MALT1: variants seen among roughly 807,000 people sequenced by gnomAD.
MALT1 encodes the protein mucosa-associated lymphoid tissue lymphoma translocation protein 1.
A neutral mutation model predicts 85.5 loss-of-function variants in MALT1; 36 were observed. The observed-to-expected ratio is 0.42, with a 90% CI of 0.32 to 0.56. MALT1 has a LOEUF of 0.56. Among genes scored for constraint, MALT1 ranks in the 20% least tolerant of loss-of-function variants. The probability of loss-of-function intolerance (pLI) is 0.10; values close to 1 mark genes in which losing one functional copy is unlikely to be tolerated. For synonymous variants in MALT1, 359 were observed against 361.3 expected (o/e 0.99, Z 0.07); for missense variants, 716 against 981.6 (o/e 0.73, Z 3.62).
chr18:58,731,357 G>T (rs2055146503), intron 10 of MALT1, among the ~76,000 whole-genome samples: 1 of 152,190 alleles, frequency 6.6e-6, no homozygotes. Context: ...TGTGTGGGTT[G>T]TCTTTTCACT....
intron 4 of MALT1, among the ~76,000 whole-genome samples, chr18:58,703,939 T>C (rs1012334170): frequency 6.6e-6 from 1 of 152,212 alleles, no homozygotes; most frequent in Admixed American, 6.5e-5. Context: ...AGTCTAGATA[T>C]TTTATATTCA....
intron 10 of MALT1, among the ~76,000 whole-genome samples, chr18:58,727,473 T>C (rs1481884341): frequency 6.6e-6 from 1 of 152,048 alleles, no homozygotes; most frequent in Non-Finnish European, 1.5e-5. Context: ...CCTGGCTAAT[T>C]TTTTGTATTT....
At chr18:58,682,425 C>T (rs1440544763) in intron 2 of MALT1, among the ~76,000 whole-genome samples, 5 of 152,170 alleles carry the variant, frequency 3.3e-5, no homozygotes, top group Non-Finnish European at 7.4e-5. Context: ...CTGTTCTCAA[C>T]GCATTGGTTG....
At chr18:58,717,218 C>T (rs925287273) in intron 9 of MALT1, among the ~76,000 whole-genome samples, 1 of 152,018 alleles carries the variant, frequency 6.6e-6, no homozygotes, top group Admixed American at 6.6e-5. Flanking sequence ...CAAAAATTAG[C>T]TGGGCATTGT....
Position 58,695,303 on chromosome 18 carries a change from G to A in MALT1, c.377-1063G>A, listed in dbSNP as rs1016743362. Among the ~76,000 whole-genome samples, 7 of 152,226 alleles carry A rather than the reference G, an allele frequency of 4.6e-5. 1 individual carries two copies. The highest frequency in any genetic ancestry group is 2.1e-4 in the South Asian group (1 of 4,828). On this transcript the variant is annotated intron_variant, in intron 2 of 16. Transcript: ENST00000649217. ...TGCAGGGCTACCTGAATGGCCTCCT[G>A]CCACAGTCATGTGCTTCCCTGGGGC...
chr18:58,734,454 C>T (rs965064993), intron 12 of MALT1, 73 bp downstream of exon 12: 15 of 1,199,776 alleles, frequency 1.3e-5, no homozygotes, highest in Non-Finnish European at 1.7e-5. Context: ...TTTTTAGGAG[C>T]AGGGGTCTTA....
At chr18:58,680,900 G>A (rs373120949) in intron 1 of MALT1, among the ~76,000 whole-genome samples, 12 of 142,018 alleles carry the variant, frequency 8.4e-5, no homozygotes, top group African/African-American at 2.6e-4. Context: ...TCCGCAGTCC[G>A]GCCTGGGCGA....
intron 4 of MALT1, among the ~76,000 whole-genome samples, chr18:58,701,775 G>A (rs959040959): frequency 2.6e-5 from 4 of 152,120 alleles, no homozygotes; most frequent in Admixed American, 6.6e-5. Flanking sequence ...TCTTTTGAAC[G>A]TATTTCTATA....
At chr18:58,714,985 T>C (rs2144401392) in intron 8 of MALT1, among the ~76,000 whole-genome samples, 1 of 152,316 alleles carries the variant, frequency 6.6e-6, no homozygotes, top group Non-Finnish European at 1.5e-5. Context: ...CATTGGGCTG[T>C]GCTGACTGTA....
rs1301098258 is a variant in MALT1, at chr18:58,749,547, T to C, written c.*1705T>C. 1 of 217,966 alleles carries C rather than the reference T, an allele frequency of 4.6e-6. No homozygotes were observed. The highest frequency in any genetic ancestry group is 2.2e-5 in the African/African-American group (1 of 44,502). 13.5% of individuals were successfully genotyped at this position (217,966 alleles called of 1,614,324 possible). On this transcript the variant is annotated 3_prime_UTR_variant, in exon 17 of 17. Coordinates refer to ENST00000649217, the MANE Select transcript of MALT1 (RefSeq NM_006785.4). ...CAGCCTCAGCTGGGAACATGTGTAC[T>C]GGGTGACTCAAATTTTTCACCCATT...
At chr18:58,680,127 CTG>C (rs1376921361) in intron 1 of MALT1, among the ~76,000 whole-genome samples, 4 of 152,218 alleles carry the variant, frequency 2.6e-5, no homozygotes, top group African/African-American at 9.6e-5. Flanking sequence ...GTCTTACCCT[CTG>C]TGAGGCAACT....
At chr18:58,707,233 G>A (rs1002011350) in intron 4 of MALT1, among the ~76,000 whole-genome samples, 3 of 151,124 alleles carry the variant, frequency 2.0e-5, no homozygotes, top group African/African-American at 7.3e-5. Flanking sequence ...ATTGTAAGTT[G>A]GCCACCATCT....
Position 58,741,948 on chromosome 18 carries a change from C to A in MALT1, c.1687C>A (p.Pro563Thr), listed in dbSNP as rs930567184. ...ATCTGAGAAGAGAGCACTTACTGAT[C>A]CAATACAGGGAACAGAATATTCTGC... ...SLSEKRALTD[P>T]IQGTEYSAES... Residue 563 changes from proline (P) to threonine (T), a missense_variant, in exon 14 of 17, where the codon CCA (proline) becomes ACA (threonine). Transcript: ENST00000649217. The A allele has an allele frequency of 1.9e-6, 3 of 1,570,726 alleles. No individual in the cohort carries two copies. The highest frequency in any genetic ancestry group is 2.6e-6 in the Non-Finnish European group (3 of 1,148,582).
At chr18:58,682,726 A>G (rs1263068455) in intron 2 of MALT1, among the ~76,000 whole-genome samples, 1 of 152,210 alleles carries the variant, frequency 6.6e-6, no homozygotes, top group Non-Finnish European at 1.5e-5. Flanking sequence ...AACTATTAGA[A>G]GGAAAAAGGA....
chr18:58,738,524 G>A (rs1157849825), intron 13 of MALT1, among the ~76,000 whole-genome samples: 2 of 152,084 alleles, frequency 1.3e-5, no homozygotes, highest in Admixed American at 6.6e-5. Flanking sequence ...GAATTGCTGG[G>A]TCATAGGGTG....
intron 2 of MALT1, among the ~76,000 whole-genome samples, chr18:58,692,967 G>T (rs1196904233): frequency 6.6e-6 from 1 of 152,162 alleles, no homozygotes; most frequent in Non-Finnish European, 1.5e-5. Flanking sequence ...GCCCTAACTC[G>T]CCTCATTTCT....
intron 10 of MALT1, among the ~76,000 whole-genome samples, chr18:58,729,383 G>A (rs2144445853): frequency 1.3e-5 from 2 of 152,016 alleles, no homozygotes; most frequent in South Asian, 4.2e-4. Context: ...CAGCTACCCG[G>A]GAGGCTGAGG....
rs1222313014 is a variant in MALT1 at position 58,748,561 on chromosome 18, TA to T, written c.*723del. 18 of 188,142 alleles carry T rather than the reference TA, an allele frequency of 9.6e-5. No homozygotes were observed. The highest frequency in any genetic ancestry group is 4.2e-4 in the African/African-American group (18 of 43,112). 11.7% of individuals were successfully genotyped at this position (188,142 alleles called of 1,614,324 possible). ...GATTATGAAACCACATGAGAAGTGA[TA>T]AAATGTTTGTTAAAGCTAGATAGAG... is the stretch of plus-strand genomic sequence containing the variant. On this transcript the variant is annotated 3_prime_UTR_variant, in exon 17 of 17. Coordinates refer to ENST00000649217, the MANE Select transcript of MALT1 (RefSeq NM_006785.4).
chr18:58,702,845 T>G (rs1040946344), intron 4 of MALT1, among the ~76,000 whole-genome samples: 2 of 152,206 alleles, frequency 1.3e-5, no homozygotes, highest in African/African-American at 4.8e-5. Flanking sequence ...TAACTAGCAT[T>G]GATCAAGACA....
Sources: gnomAD v4.1 joint callset for allele counts (sites outside exome capture counted in the v4.1 genomes callset) on GRCh38, gnomAD v4.1.1 for gene constraint, MANE v1.5 for transcripts, NCBI Gene and HGNC (gene_info 2026-07-23, HGNC 2026-07-21) for gene names.